Variants in ARHGAP6 observed in about 807,000 individuals in gnomAD.
The protein encoded by ARHGAP6 is rho GTPase-activating protein 6.
ARHGAP6 carries 16 observed loss-of-function variants against 55.7 expected under a neutral mutation model. The ratio of observed to expected loss-of-function variants is 0.29; its 90% CI spans 0.19 to 0.44. The LOEUF is 0.44. ARHGAP6 is among the 20% of genes least tolerant of loss of function. The pLI is 1.00. For synonymous variants in ARHGAP6, 382 were observed against 360.9 expected (o/e 1.06, Z -0.66); for missense variants, 698 against 808.9 (o/e 0.86, Z 1.66).
intron 1 of ARHGAP6, among the ~76,000 whole-genome samples, chrX:11,598,878 A>G (rs1347076282): frequency 8.1e-5 from 9 of 110,934 alleles, no homozygotes; most frequent in African/African-American, 3.0e-4. Flanking sequence ...GCAACATGGT[A>G]AGACCCCATC....
At position 11,659,425 on chromosome X, in the gene ARHGAP6, G is replaced by A. The variant is rs371486879; in HGVS notation, c.588+4816C>T. Reference sequence around the variant, plus strand: ...GACTGCCAGATGATTATTCCTTGTGGGGCTGTGCACTGCAGGGTATTTAAA... The same window carrying A: ...GACTGCCAGATGATTATTCCTTGTGAGGCTGTGCACTGCAGGGTATTTAAA... On this transcript the variant is annotated intron_variant, in intron 1 of 12. Transcript: ENST00000337414. 2.1e-4 allele frequency among the ~76,000 whole-genome samples: 23 copies of A among 107,547 alleles called. No individual in the cohort carries two copies. In the East Asian group the frequency reaches 4.3e-3, roughly 20 times the overall value. The allele number at this position is 107,547 out of a possible 115,157, so 93.4% of individuals were successfully genotyped here. A position where few individuals can be genotyped will look rare whatever the true frequency, so the allele number is the denominator to read the frequency against.
chrX:11,418,708 T>C (rs967636859), intron 1 of ARHGAP6, among the ~76,000 whole-genome samples: 2 of 111,863 alleles, frequency 1.8e-5, no homozygotes, highest in African/African-American at 6.5e-5. Context: ...GTTTGTGATA[T>C]AAAAATCCTT....
At chrX:11,583,424 T>A (rs752178856) in intron 1 of ARHGAP6, among the ~76,000 whole-genome samples, 38 of 112,380 alleles carry the variant, frequency 3.4e-4, no homozygotes, top group African/African-American at 1.2e-3. Flanking sequence ...AGATATTTTA[T>A]CAGGAAACAT....
At chrX:11,517,746 A>C (rs1028175572) in intron 1 of ARHGAP6, among the ~76,000 whole-genome samples, 4 of 110,980 alleles carry the variant, frequency 3.6e-5, no homozygotes, top group Non-Finnish European at 7.5e-5. Flanking sequence ...GTATGTTCTC[A>C]CTTATAAGTA....
At chrX:11,520,762 G>C (rs2050914995) in intron 1 of ARHGAP6, among the ~76,000 whole-genome samples, 1 of 111,681 alleles carries the variant, frequency 9.0e-6, no homozygotes, top group Admixed American at 9.5e-5. Flanking sequence ...GGTTGAACTA[G>C]TTTACAGTCC....
chrX:11,574,438 T>C (rs569426763), intron 1 of ARHGAP6, among the ~76,000 whole-genome samples: 1 of 108,740 alleles, frequency 9.2e-6, no homozygotes. Flanking sequence ...AATCAATAAA[T>C]GTAATCCAGC....
chrX:11,540,948 T>A (rs2051151953), intron 1 of ARHGAP6, among the ~76,000 whole-genome samples: 1 of 112,625 alleles, frequency 8.9e-6, no homozygotes, highest in Non-Finnish European at 1.9e-5. Context: ...TGTGGCCCAG[T>A]ACAGCACAGC....
intron 1 of ARHGAP6, among the ~76,000 whole-genome samples, chrX:11,427,258 G>C (rs1466841518): frequency 1.8e-5 from 2 of 112,268 alleles, no homozygotes; most frequent in East Asian, 2.8e-4. Context: ...GTCAGCCTTT[G>C]TCAGCGAGGT....
intron 1 of ARHGAP6, among the ~76,000 whole-genome samples, chrX:11,507,642 A>T (rs1047316335): frequency 4.5e-5 from 5 of 112,063 alleles, no homozygotes; most frequent in African/African-American, 1.6e-4. Context: ...CCATTGTGCC[A>T]ATTAATGACA....
intron 2 of ARHGAP6, among the ~76,000 whole-genome samples, chrX:11,237,711 T>C (rs935123007): frequency 2.7e-5 from 3 of 112,099 alleles, no homozygotes; most frequent in Admixed American, 9.5e-5. Context: ...ACCAATAAAA[T>C]TGACTCTCGG....
chrX:11,500,663 CAAAAAAA>C (rs995574477), intron 1 of ARHGAP6, among the ~76,000 whole-genome samples: 28 of 33,612 alleles, frequency 8.3e-4, no homozygotes, highest in Middle Eastern at 0.033. Context: ...CAGACTCTGT[CAAAAAAA>C]AAAAAAAAAA....
intron 1 of ARHGAP6, among the ~76,000 whole-genome samples, chrX:11,350,732 C>T (rs2048852434): frequency 8.9e-6 from 1 of 111,838 alleles, no homozygotes; most frequent in South Asian, 3.7e-4. Context: ...CCCTTTGGGT[C>T]ATATGTACCC....
chrX:11,547,597 T>C (rs989754355), intron 1 of ARHGAP6, among the ~76,000 whole-genome samples: 6 of 112,134 alleles, frequency 5.4e-5, no homozygotes, highest in Admixed American at 1.9e-4. Flanking sequence ...GACCTCTATC[T>C]ATTTCTAATT....
chrX:11,201,484 G>C lies in ARHGAP6; in HGVS notation c.749-4488C>G, dbSNP rs755759618. On this transcript the variant is annotated intron_variant, in intron 2 of 12. Transcript: ENST00000337414. ...TAACTTGTACATGGGCAGGAGCTGT[G>C]AGATGATAAATTCAGAACTTGCTCA... 2.1e-3 allele frequency among the ~76,000 whole-genome samples: 234 copies of C among 112,062 alleles called. 1 individual carries two copies. The highest frequency in any genetic ancestry group is 4.1e-3 in the South Asian group (11 of 2,652).
intron 9 of ARHGAP6, among the ~76,000 whole-genome samples, chrX:11,167,052 G>A (rs2046026793): frequency 8.9e-6 from 1 of 111,790 alleles, no homozygotes; most frequent in African/African-American, 3.3e-5. Context: ...CTTTTCATAC[G>A]TATAAGGAGT....
At chrX:11,607,565 G>T (rs1355844470) in intron 1 of ARHGAP6, among the ~76,000 whole-genome samples, 2 of 112,314 alleles carry the variant, frequency 1.8e-5, no homozygotes, top group Non-Finnish European at 3.8e-5. Flanking sequence ...AAAAATTCAT[G>T]AAGCTAACAG....
chrX:11,562,946 C>T (rs964095160), intron 1 of ARHGAP6, among the ~76,000 whole-genome samples: 5 of 112,259 alleles, frequency 4.5e-5, no homozygotes, highest in African/African-American at 1.6e-4. Flanking sequence ...CACATGTCAG[C>T]TGTTATACTT....
intron 1 of ARHGAP6, among the ~76,000 whole-genome samples, chrX:11,491,934 T>C (rs1457260797): frequency 9.3e-6 from 1 of 108,100 alleles, no homozygotes; most frequent in Non-Finnish European, 1.9e-5. Flanking sequence ...TATCTCATTG[T>C]GGTTTTGATT....
At chrX:11,598,994 G>A (rs1000773775) in intron 1 of ARHGAP6, among the ~76,000 whole-genome samples, 18 of 111,155 alleles carry the variant, frequency 1.6e-4, no homozygotes, top group Non-Finnish European at 2.6e-4. Flanking sequence ...GGGGGTTAAG[G>A]TTACAGTAAG....
Sources: allele counts gnomAD v4.1 joint callset (sites outside exome capture counted in the v4.1 genomes callset), GRCh38; gene constraint gnomAD v4.1.1; transcripts MANE v1.5; gene names NCBI Gene and HGNC (gene_info 2026-07-23, HGNC 2026-07-21).